NELL1: variants seen among roughly 807,000 people sequenced by gnomAD.
NELL1 encodes the protein protein kinase C-binding protein NELL1.
NELL1 carries 76 observed loss-of-function variants against 107.4 expected under a neutral mutation model. The observed-to-expected ratio is 0.71, with a 90% CI of 0.59 to 0.86. The LOEUF (loss-of-function observed/expected upper bound fraction) is 0.86, where lower values mean the gene tolerates loss of function less well. Ranked by LOEUF, NELL1 falls within the 40% of genes least tolerant of loss-of-function variation. The pLI, the probability that NELL1 is intolerant of heterozygous loss-of-function variation, is 0.00. For synonymous variants in NELL1, 353 were observed against 341.2 expected, an observed-to-expected ratio of 1.03 and a Z score of -0.38; for missense variants, 1,024 against 1,005.5, an observed-to-expected ratio of 1.02 and a Z score of -0.25.
At position 20,714,194 on chromosome 11, in the gene NELL1, A is replaced by ATTTTTTTT. The variant is rs34441596; in HGVS notation, c.184+36153_184+36160dup. ...CTGTCTCCTATCTGCTATCTCCCCG[A>ATTTTTTTT]TTTTTTTTTTTTTTTTTTTTTTTTT... On this transcript the variant is annotated intron_variant, in intron 2 of 19. Transcript: ENST00000357134. 2.4e-4 allele frequency among the ~76,000 whole-genome samples: 15 copies of ATTTTTTTT among 61,770 alleles called. 2 individuals are homozygous for ATTTTTTTT. The highest frequency in any genetic ancestry group is 3.7e-4 in the Non-Finnish European group (13 of 35,368). The allele number at this position is 61,770 out of a possible 152,430, so 40.5% of individuals were successfully genotyped here. A position where few individuals can be genotyped will look rare whatever the true frequency, so the allele number is the denominator to read the frequency against.
At chr11:20,695,656 C>G (rs1203787734) in intron 2 of NELL1, among the ~76,000 whole-genome samples, 1 of 152,074 alleles carries the variant, frequency 6.6e-6, no homozygotes, top group Non-Finnish European at 1.5e-5. Context: ...TTTTGATGTG[C>G]TACTGGATTC....
At chr11:21,493,133 G>A (rs1329978146) in intron 15 of NELL1, among the ~76,000 whole-genome samples, 1 of 152,008 alleles carries the variant, frequency 6.6e-6, no homozygotes, top group Non-Finnish European at 1.5e-5. Context: ...CATACACTGT[G>A]GGTGGGAATG....
At chr11:20,682,332 TA>T (rs1403434659) in intron 2 of NELL1, among the ~76,000 whole-genome samples, 1 of 149,902 alleles carries the variant, frequency 6.7e-6, no homozygotes, top group East Asian at 2.0e-4. Context: ...ACCCAACATA[TA>T]AAAAATATTA....
intron 14 of NELL1, among the ~76,000 whole-genome samples, chr11:21,352,057 A>G (rs996216725): frequency 9.2e-5 from 14 of 152,066 alleles, no homozygotes; most frequent in Non-Finnish European, 2.9e-5. Flanking sequence ...TGAAGCCTTT[A>G]TGCTAAGCTA....
At chr11:20,794,672 G>T (rs1194798816) in intron 3 of NELL1, among the ~76,000 whole-genome samples, 1 of 152,086 alleles carries the variant, frequency 6.6e-6, no homozygotes, top group Admixed American at 6.6e-5. Flanking sequence ...AAGCCATAAT[G>T]ATGATGATGC....
chr11:20,922,460 A>G (rs1475129017), intron 7 of NELL1, among the ~76,000 whole-genome samples: 1 of 151,662 alleles, frequency 6.6e-6, no homozygotes, highest in Non-Finnish European at 1.5e-5. Flanking sequence ...CGAAAATGTA[A>G]CTCACTTTTT....
intron 14 of NELL1, among the ~76,000 whole-genome samples, chr11:21,286,455 C>A (rs115931516): frequency 1.3e-5 from 2 of 152,078 alleles, no homozygotes; most frequent in Non-Finnish European, 2.9e-5. Context: ...GAGCAAGGGG[C>A]GGATTTTAGC....
intron 7 of NELL1, among the ~76,000 whole-genome samples, chr11:20,924,689 G>A (rs142073098): frequency 1.1e-4 from 16 of 152,266 alleles, no homozygotes; most frequent in South Asian, 8.3e-4. Context: ...AGTAAGGCAC[G>A]TATGGGTCCT....
intron 2 of NELL1, among the ~76,000 whole-genome samples, chr11:20,710,591 A>G (rs1234587113): frequency 6.6e-6 from 1 of 151,948 alleles, no homozygotes; most frequent in Non-Finnish European, 1.5e-5. Flanking sequence ...CATCCTTTGG[A>G]ATAGTTTTAG....
chr11:20,863,673 A>G (rs971764789), intron 4 of NELL1, among the ~76,000 whole-genome samples: 1 of 142,302 alleles, frequency 7.0e-6, no homozygotes, highest in African/African-American at 2.6e-5. Context: ...ATGGGCAGCC[A>G]GGCAGAGACG....
chr11:21,334,214 A>G (rs147144271), intron 14 of NELL1, among the ~76,000 whole-genome samples: 177 of 152,162 alleles, frequency 1.2e-3, no homozygotes, highest in African/African-American at 3.8e-3. Flanking sequence ...TGAATGCTAC[A>G]AAGGAGAAGT....
At chr11:20,679,108 A>G (rs1854132675) in intron 2 of NELL1, among the ~76,000 whole-genome samples, 1 of 152,212 alleles carries the variant, frequency 6.6e-6, no homozygotes, top group Non-Finnish European at 1.5e-5. Flanking sequence ...CAGAGCTGAT[A>G]TTCTGCTGAT....
chr11:21,496,137 CCTT>C (rs909259087), intron 15 of NELL1, among the ~76,000 whole-genome samples: 4 of 151,710 alleles, frequency 2.6e-5, no homozygotes, highest in Non-Finnish European at 4.4e-5. Flanking sequence ...GATTATGTGT[CCTT>C]CTCAAAATTT....
intron 15 of NELL1, among the ~76,000 whole-genome samples, chr11:21,428,783 A>C (rs1015140323): frequency 6.6e-6 from 1 of 152,230 alleles, no homozygotes; most frequent in Admixed American, 6.5e-5. Flanking sequence ...CAAATGATAA[A>C]ATATAGCCCT....
chr11:21,496,510 A>G (rs1446726208), intron 15 of NELL1, among the ~76,000 whole-genome samples: 2 of 151,022 alleles, frequency 1.3e-5, no homozygotes, highest in African/African-American at 4.9e-5. Flanking sequence ...CTTGGGTTCA[A>G]GCGATTCTCC....
intron 14 of NELL1, among the ~76,000 whole-genome samples, chr11:21,234,618 A>G (rs890858539): frequency 6.6e-6 from 1 of 152,192 alleles, no homozygotes; most frequent in Non-Finnish European, 1.5e-5. Context: ...TCTTTATTTT[A>G]AGGCTCTCCA....
At position 20,919,335 on chromosome 11, in the gene NELL1, G is replaced by A; in HGVS notation, c.759+1G>A. ...GCTTTTGGCCAAGATGACTGCAAAAGTAGGTATCTAAATTTCATTTGTGAT... is the reference window on the plus strand; with the variant it reads ...GCTTTTGGCCAAGATGACTGCAAAAATAGGTATCTAAATTTCATTTGTGAT... On this transcript the variant is annotated splice_donor_variant, in intron 7 of 19. Transcript: ENST00000357134. LOFTEE classifies it high-confidence loss of function. The A allele has an allele frequency of 1.3e-6, 2 of 1,554,124 alleles. No individual in the cohort carries two copies. Among genetic ancestry groups the A allele is most frequent in the Non-Finnish European group, 1.8e-6 (2 of 1,130,280 alleles).
intron 14 of NELL1, among the ~76,000 whole-genome samples, chr11:21,269,932 TATC>T (rs1848707954): frequency 6.6e-6 from 1 of 152,094 alleles, no homozygotes; most frequent in African/African-American, 2.4e-5. Flanking sequence ...CTTCTTTTGT[TATC>T]ATAAGGTTCT....
At position 21,481,223 on chromosome 11, in the gene NELL1, C is replaced by T. The variant is rs371571397; in HGVS notation, c.1646-53151C>T. On this transcript the variant is annotated intron_variant, in intron 15 of 19. Coordinates refer to ENST00000357134, the MANE Select transcript of NELL1 (RefSeq NM_006157.5). ...CCCACAGGTAAAGTCTCTCCCGATT[C>T]AAAGAGCTTATAGGGCAAGCCTACA... Among the ~76,000 whole-genome samples, 168 of 152,296 alleles carry T rather than the reference C, an allele frequency of 1.1e-3. 2 individuals carry two copies. Among genetic ancestry groups the T allele is most frequent in the African/African-American group, 3.8e-3 (157 of 41,570 alleles).
Sources: allele counts gnomAD v4.1 joint callset (sites outside exome capture counted in the v4.1 genomes callset), GRCh38; gene constraint gnomAD v4.1.1; transcripts MANE v1.5; gene names NCBI Gene and HGNC (gene_info 2026-07-23, HGNC 2026-07-21).